The following DAB1 variants were observed in gnomAD, a reference collection of about 807,000 sequenced individuals.
The protein encoded by DAB1 is DAB adaptor protein 1, also known as disabled homolog 1.
Under a neutral mutation model 64.6 loss-of-function variants are expected in DAB1, and 15 were observed. That is an observed-to-expected ratio of 0.23 (90% CI 0.16 to 0.36). DAB1 has a LOEUF of 0.36. Among genes scored for constraint, DAB1 ranks in the 10% least tolerant of loss-of-function variants. The probability of loss-of-function intolerance (pLI) is 1.00; values close to 1 mark genes in which losing one functional copy is unlikely to be tolerated. For synonymous variants in DAB1, 235 were observed against 251.9 expected (o/e 0.93, Z 0.64); for missense variants, 596 against 706.7 (o/e 0.84, Z 1.78).
chr1:57,343,436 C>T (rs1032378918), intron 1 of DAB1, among the ~76,000 whole-genome samples: 2 of 152,212 alleles, frequency 1.3e-5, no homozygotes, highest in Non-Finnish European at 2.9e-5. Context: ...CTGCCAGTCC[C>T]GCACCGTGCG....
chr1:57,246,641 C>T (rs627936), intron 2 of DAB1, among the ~76,000 whole-genome samples: 88,978 of 151,958 alleles, frequency 0.59, 26,256 homozygotes, highest in Admixed American at 0.66. Flanking sequence ...CCTCCAGACC[C>T]CATAAAGGTA....
At position 58,492,989 on chromosome 1, in the gene DAB1, C is replaced by T. The variant is rs537846994; in HGVS notation, n.257+13071G>A. ...AAAAGAGAATTTTAGACCAATATCC[C>T]TGATGAACATCAATGCAAAAATCCT... On this transcript the variant is annotated intron_variant and non_coding_transcript_variant, in intron 3 of 20. Coordinates refer to the DAB1 transcript ENST00000485760. 5.8e-3 allele frequency among the ~76,000 whole-genome samples: 887 copies of T among 152,272 alleles called. 4 individuals are homozygous for T. The highest frequency in any genetic ancestry group is 0.017 in the African/African-American group (709 of 41,546).
At chr1:57,397,572 C>A (rs1682913913) in intron 1 of DAB1, among the ~76,000 whole-genome samples, 1 of 152,198 alleles carries the variant, frequency 6.6e-6, no homozygotes, top group Non-Finnish European at 1.5e-5. Context: ...AAAGAGAGTG[C>A]ACGTCCACAC....
chr1:58,501,456 A>G (rs1645905211), intron 3 of DAB1, among the ~76,000 whole-genome samples: 1 of 152,118 alleles, frequency 6.6e-6, no homozygotes, highest in African/African-American at 2.4e-5. Context: ...CTATTGTCCC[A>G]TCTCTGTGAA....
At position 58,533,856 on chromosome 1, in the gene DAB1, T is replaced by G. The variant is rs1646474771; in HGVS notation, n.33-6521A>C. ...TTACCCAAAACTAAAAGTCTATCATTTTTAAAAAACCTGAAAAAAATCAGT... is the reference window on the plus strand; with the variant it reads ...TTACCCAAAACTAAAAGTCTATCATGTTTAAAAAACCTGAAAAAAATCAGT... On this transcript the variant is annotated intron_variant and non_coding_transcript_variant, in intron 1 of 20. Transcript: ENST00000485760. 10 of 757,180 alleles carry G rather than the reference T, an allele frequency of 1.3e-5. No individual in the cohort carries two copies. In the Admixed American group the frequency reaches 1.6e-4, roughly 12 times the overall value. The allele number at this position is 757,180 out of a possible 1,614,324, so 46.9% of individuals were successfully genotyped here.
intron 7 of DAB1, among the ~76,000 whole-genome samples, chr1:57,629,815 T>G (rs1359115172): frequency 6.6e-6 from 1 of 150,828 alleles, no homozygotes; most frequent in Admixed American, 6.6e-5. Context: ...AGCAAAGAGA[T>G]ATTGTCATAG....
intron 9 of DAB1, among the ~76,000 whole-genome samples, chr1:57,056,093 C>T (rs1649725550): frequency 6.6e-6 from 1 of 152,032 alleles, no homozygotes; most frequent in Admixed American, 6.6e-5. Context: ...CTTAAGTACT[C>T]AAATTCACAA....
At chr1:57,580,434 A>C (rs1373834888) in intron 7 of DAB1, among the ~76,000 whole-genome samples, 1 of 151,780 alleles carries the variant, frequency 6.6e-6, no homozygotes, top group East Asian at 2.0e-4. Context: ...TGCAGCTTCT[A>C]CTCCTTGGTC....
chr1:57,456,078 C>T (rs1199978280), intron 7 of DAB1, among the ~76,000 whole-genome samples: 3 of 152,156 alleles, frequency 2.0e-5, no homozygotes, highest in Admixed American at 1.3e-4. Context: ...TACAATCTAA[C>T]ATTAGGACTC....
chr1:57,461,782 G>T (rs1165896699), intron 7 of DAB1, among the ~76,000 whole-genome samples: 2 of 151,960 alleles, frequency 1.3e-5, no homozygotes, highest in Admixed American at 1.3e-4. Context: ...TATCTGTTAG[G>T]TTTCTATCTT....
intron 3 of DAB1, among the ~76,000 whole-genome samples, chr1:58,481,786 T>C (rs1366944637): frequency 6.6e-6 from 1 of 152,148 alleles, no homozygotes; most frequent in Admixed American, 6.5e-5. Context: ...TCTGATGGTT[T>C]TATAAAGGGC....
intron 4 of DAB1, among the ~76,000 whole-genome samples, chr1:58,231,877 A>G (rs1659790294): frequency 6.6e-6 from 1 of 152,208 alleles, no homozygotes; most frequent in Non-Finnish European, 1.5e-5. Context: ...AGCCAGTGAT[A>G]CTGGTACCCA....
chr1:57,473,156 ACC>A (rs1687201693), intron 7 of DAB1, among the ~76,000 whole-genome samples: 3 of 152,224 alleles, frequency 2.0e-5, no homozygotes, highest in African/African-American at 7.2e-5. Context: ...AGTCAGACAG[ACC>A]TAGGTTCAAA....
At chr1:57,543,293 G>A (rs1644823224) in intron 7 of DAB1, among the ~76,000 whole-genome samples, 1 of 152,152 alleles carries the variant, frequency 6.6e-6, no homozygotes, top group African/African-American at 2.4e-5. Flanking sequence ...GTCAGGCCCT[G>A]GTTTTGCTCT....
At chr1:57,688,024 G>T (rs566550318) in intron 6 of DAB1, among the ~76,000 whole-genome samples, 1 of 152,058 alleles carries the variant, frequency 6.6e-6, no homozygotes, top group South Asian at 2.1e-4. Context: ...TTGGCTAAGT[G>T]CCCAAAAGCA....
chr1:57,145,222 T>C, intron 3 of DAB1, 68 bp downstream of exon 3: 3 of 1,456,610 alleles, frequency 2.1e-6, no homozygotes, highest in Admixed American at 1.7e-5. Flanking sequence ...ACAATTATGA[T>C]GGTAATCACT....
chr1:57,463,898 C>G (rs1044989675), intron 7 of DAB1, among the ~76,000 whole-genome samples: 5 of 152,120 alleles, frequency 3.3e-5, no homozygotes, highest in African/African-American at 1.2e-4. Flanking sequence ...AAGTCGTACA[C>G]AAACCTATCA....
chr1:57,148,394 C>T (rs890003618), intron 2 of DAB1, among the ~76,000 whole-genome samples: 7 of 152,188 alleles, frequency 4.6e-5, no homozygotes, highest in African/African-American at 1.7e-4. Context: ...TCCAGTTTCT[C>T]ATTAAATGCT....
chr1:57,364,999 G>T (rs543979450), intron 1 of DAB1, among the ~76,000 whole-genome samples: 1 of 148,110 alleles, frequency 6.8e-6, no homozygotes, highest in South Asian at 2.1e-4. Flanking sequence ...CTATTTCTTG[G>T]CTTGAGAAAT....
Sources: gnomAD v4.1 joint callset for allele counts (sites outside exome capture counted in the v4.1 genomes callset) on GRCh38, gnomAD v4.1.1 for gene constraint, MANE v1.5 for transcripts, NCBI Gene and HGNC (gene_info 2026-07-23, HGNC 2026-07-21) for gene names.